Variants in SMIM10L3 observed in about 807,000 individuals in gnomAD.
SMIM10L3 encodes salivary gland specific protein SAGSIN1.
the SMIM10L3 span, among the ~76,000 whole-genome samples, chr7:6,339,007 C>T: frequency 3.3e-5 from 5 of 152,108 alleles, no homozygotes; most frequent in African/African-American, 7.2e-5. Context: ...TGCTCATGGC[C>T]CAAATGATCA....
the SMIM10L3 span, among the ~76,000 whole-genome samples, chr7:6,346,425 G>A: frequency 6.6e-6 from 1 of 152,058 alleles, no homozygotes; most frequent in Non-Finnish European, 1.5e-5. Context: ...GGAGTGCAGT[G>A]GCACAATCTC....
chr7:6,340,398 T>A, the SMIM10L3 span, among the ~76,000 whole-genome samples: 1 of 152,082 alleles, frequency 6.6e-6, no homozygotes, highest in Non-Finnish European at 1.5e-5. Flanking sequence ...GACCACTGCA[T>A]GTGTGTACAG....
chr7:6,342,856 G>C, the SMIM10L3 span, among the ~76,000 whole-genome samples: 1 of 151,820 alleles, frequency 6.6e-6, no homozygotes, highest in Non-Finnish European at 1.5e-5. Context: ...GGGCAACATA[G>C]TGAGACCCCA....
chr7:6,341,583 G>A, the SMIM10L3 span, among the ~76,000 whole-genome samples: 13 of 150,702 alleles, frequency 8.6e-5, no homozygotes, highest in East Asian at 1.9e-4. Flanking sequence ...CCAGCTACTC[G>A]GGAGGCTGAG....
chr7:6,334,611 T>G, the SMIM10L3 span, among the ~76,000 whole-genome samples: 3 of 145,146 alleles, frequency 2.1e-5, no homozygotes, highest in African/African-American at 7.7e-5. Context: ...GGACTACAGG[T>G]GCACACCGCC....
chr7:6,341,687 CAAAAAA>C, the SMIM10L3 span, among the ~76,000 whole-genome samples: 11 of 110,738 alleles, frequency 9.9e-5, no homozygotes, highest in Non-Finnish European at 2.1e-4. Flanking sequence ...AAGACTCTGT[CAAAAAA>C]AAAAAAAAAA....
the SMIM10L3 span, among the ~76,000 whole-genome samples, chr7:6,338,280 T>C: frequency 5.3e-5 from 8 of 152,322 alleles, no homozygotes; most frequent in African/African-American, 1.9e-4. Flanking sequence ...TTTCTCAGTA[T>C]GCTAGAGATA....
the SMIM10L3 span, among the ~76,000 whole-genome samples, chr7:6,339,569 C>G: frequency 6.6e-6 from 1 of 151,776 alleles, no homozygotes; most frequent in African/African-American, 2.4e-5. Context: ...CTGCAAGCTC[C>G]GCCTCCCAGG....
the SMIM10L3 span, among the ~76,000 whole-genome samples, chr7:6,344,877 G>C: frequency 6.6e-6 from 1 of 152,118 alleles, no homozygotes; most frequent in African/African-American, 2.4e-5. Flanking sequence ...AAGTAGCTGG[G>C]ATGACAGGCG....
the SMIM10L3 span, among the ~76,000 whole-genome samples, chr7:6,339,467 A>T: frequency 6.6e-6 from 1 of 151,012 alleles, no homozygotes; most frequent in Non-Finnish European, 1.5e-5. Flanking sequence ...CCCCTATAAA[A>T]CCAGCTGTGT....
the SMIM10L3 span, among the ~76,000 whole-genome samples, chr7:6,335,468 T>A: frequency 5.3e-5 from 8 of 152,162 alleles, no homozygotes; most frequent in African/African-American, 1.7e-4. Context: ...CCTCAGGTGA[T>A]CTGCCCGCCT....
the SMIM10L3 span, among the ~76,000 whole-genome samples, chr7:6,336,150 G>C: frequency 1.4e-5 from 2 of 145,862 alleles, no homozygotes; most frequent in African/African-American, 5.2e-5. Context: ...TCCAGCCTGG[G>C]CAACAGAGTG....
the SMIM10L3 span, among the ~76,000 whole-genome samples, chr7:6,336,922 G>A: frequency 2.6e-5 from 4 of 152,104 alleles, no homozygotes; most frequent in Non-Finnish European, 4.4e-5. Context: ...CCAAAGTGCT[G>A]GAATTACAGG....
the SMIM10L3 span, among the ~76,000 whole-genome samples, chr7:6,338,974 C>T: frequency 2.0e-5 from 3 of 152,246 alleles, no homozygotes; most frequent in South Asian, 2.1e-4. Flanking sequence ...CAGGTGTGAA[C>T]GCTAGCACAC....
the SMIM10L3 span, among the ~76,000 whole-genome samples, chr7:6,338,447 G>T: frequency 6.6e-6 from 1 of 152,162 alleles, no homozygotes; most frequent in African/African-American, 2.4e-5. Context: ...ATGATGGAAG[G>T]AGTCTTCAAG....
the SMIM10L3 span, chr7:6,330,988 G>A: frequency 6.2e-7 from 1 of 1,614,248 alleles, no homozygotes; most frequent in Non-Finnish European, 8.5e-7. Flanking sequence ...CTCACTTTGT[G>A]AATTTCCATC....
chr7:6,330,536 C>T, the SMIM10L3 span: 1 of 1,614,158 alleles, frequency 6.2e-7, no homozygotes, highest in Non-Finnish European at 8.5e-7. Flanking sequence ...CGTTTTGTCT[C>T]CTCACTCAGG....
At chr7:6,341,346 G>C in the SMIM10L3 span, among the ~76,000 whole-genome samples, 1 of 151,582 alleles carries the variant, frequency 6.6e-6, no homozygotes, top group Non-Finnish European at 1.5e-5. Flanking sequence ...GGGAGGCTGA[G>C]GCAGGAGAAT....
At chr7:6,343,427 T>TG in the SMIM10L3 span, among the ~76,000 whole-genome samples, 1 of 98,996 alleles carries the variant, frequency 1.0e-5, no homozygotes. Context: ...TATATATATA[T>TG]ATATATATAT....
Sources: allele counts gnomAD v4.1 joint callset (sites outside exome capture counted in the v4.1 genomes callset), GRCh38; gene constraint gnomAD v4.1.1; transcripts MANE v1.5; gene names NCBI Gene and HGNC (gene_info 2026-07-23, HGNC 2026-07-21).